Variants in VPS41 observed in about 807,000 individuals in gnomAD.
VPS41 encodes the protein vacuolar protein sorting-associated protein 41 homolog.
Under a neutral mutation model 130.9 loss-of-function variants are expected in VPS41, and 85 were observed. The observed-to-expected ratio is 0.65, with a 90% CI of 0.55 to 0.78. The LOEUF (loss-of-function observed/expected upper bound fraction) is 0.78. Among genes scored for constraint, VPS41 ranks in the 30% least tolerant of loss-of-function variants. The probability of loss-of-function intolerance (pLI) is 0.00; values close to 1 mark genes in which losing one functional copy is unlikely to be tolerated. For synonymous variants in VPS41, 335 were observed against 332.9 expected, an observed-to-expected ratio of 1.01 and a Z score of -0.07; for missense variants, 874 against 1,018.7, an observed-to-expected ratio of 0.86 and a Z score of 1.93.
chr7:38,728,340 C>T, intron 27 of VPS41: 2 of 721,500 alleles, frequency 2.8e-6, no homozygotes, highest in Non-Finnish European at 5.0e-6. Flanking sequence ...CGATGACTCA[C>T]CCTAGAGCTT....
intron 16 of VPS41, 122 bp from the exon 17 acceptor site, chr7:38,763,669 G>GA (rs1160948458): frequency 9.2e-6 from 5 of 542,616 alleles, no homozygotes; most frequent in Non-Finnish European, 1.6e-5. Flanking sequence ...ACAGTACTCT[G>GA]AAAAAAATGT....
chr7:38,909,006 C>T (rs563130755), intron 1 of VPS41, 148 bp downstream of exon 1: 1 of 995,744 alleles, frequency 1.0e-6, no homozygotes, highest in South Asian at 1.4e-5. Flanking sequence ...CCGAAACCAA[C>T]TTTCGCCATC....
In VPS41 at chr7:38,850,723, T is replaced by A. The variant is rs534181961; in HGVS notation, c.246+11822A>T. Reference sequence around the variant, plus strand: ...TTCTGCTTGTAAACAATGAATTTTTTAATTACAAATCAATTTAGAACTTTA... The same window carrying A: ...TTCTGCTTGTAAACAATGAATTTTTAAATTACAAATCAATTTAGAACTTTA... On this transcript the variant is annotated intron_variant, in intron 4 of 28. Transcript: ENST00000310301. 1.0e-3 allele frequency among the ~76,000 whole-genome samples: 152 copies of A among 152,268 alleles called. 1 individual carries two copies. The highest frequency in any genetic ancestry group is 3.6e-3 in the African/African-American group (150 of 41,550).
chr7:38,747,825 C>T (rs552877879), intron 22 of VPS41, among the ~76,000 whole-genome samples: 39 of 152,270 alleles, frequency 2.6e-4, no homozygotes, highest in South Asian at 1.2e-3. Context: ...ATTTCCATTG[C>T]TGTAGAATAT....
At chr7:38,813,742 T>C (rs1315213780) in intron 7 of VPS41, among the ~76,000 whole-genome samples, 2 of 152,186 alleles carry the variant, frequency 1.3e-5, no homozygotes, top group Non-Finnish European at 2.9e-5. Flanking sequence ...TCTAAGTTAA[T>C]AATAAAATCA....
intron 25 of VPS41, among the ~76,000 whole-genome samples, chr7:38,733,797 G>C (rs762053245): frequency 6.6e-6 from 1 of 152,082 alleles, no homozygotes; most frequent in Non-Finnish European, 1.5e-5. Context: ...ACTGACAATC[G>C]GATGGTTGTG....
rs144271652 is a variant in VPS41 at position 38,726,993 on chromosome 7, C to A, written c.2405-5G>T. 1.0e-4 allele frequency: 160 copies of A among 1,544,746 alleles called. No individual in the cohort carries two copies. The Middle Eastern group carries it at 1.6e-3, about 15-fold the overall frequency. On this transcript the variant is annotated splice_polypyrimidine_tract_variant and splice_region_variant and intron_variant, in intron 27 of 28. Coordinates refer to ENST00000310301, the MANE Select transcript of VPS41 (RefSeq NM_014396.4). ...CGCTGAAGGGCTTAGCTGCATCTGG[C>A]GAGGAGGGCAGAGAAAGGAGGAGAA...
intron 7 of VPS41, among the ~76,000 whole-genome samples, chr7:38,805,451 T>A (rs1334502019): frequency 6.6e-6 from 1 of 151,960 alleles, no homozygotes; most frequent in African/African-American, 2.4e-5. Flanking sequence ...AAGAATCACT[T>A]GAACCTGGGA....
chr7:38,758,571 T>C, intron 17 of VPS41, 90 bp from the exon 18 acceptor site: 1 of 1,275,010 alleles, frequency 7.8e-7, no homozygotes, highest in Non-Finnish European at 1.1e-6. Context: ...CCTCCTTCTG[T>C]TTCCTGGCAT....
At chr7:38,789,681 C>A in intron 10 of VPS41, 120 bp downstream of exon 10, 1 of 871,310 alleles carries the variant, frequency 1.1e-6, no homozygotes, top group South Asian at 1.5e-5. Context: ...GAAGATAAAC[C>A]AGTTAGGAGG....
intron 25 of VPS41, among the ~76,000 whole-genome samples, chr7:38,736,441 C>T (rs1356084437): frequency 1.3e-5 from 2 of 152,232 alleles, no homozygotes; most frequent in Admixed American, 1.3e-4. Flanking sequence ...AAGTGCCTTA[C>T]CAAAGTCTCA....
At chr7:38,734,009 C>A (rs1398773963) in intron 25 of VPS41, among the ~76,000 whole-genome samples, 1 of 152,126 alleles carries the variant, frequency 6.6e-6, no homozygotes, top group Non-Finnish European at 1.5e-5. Context: ...TCACTTGAGC[C>A]CGGGAGGTCA....
intron 4 of VPS41, among the ~76,000 whole-genome samples, chr7:38,849,723 G>C (rs1014132318): frequency 6.6e-6 from 1 of 152,158 alleles, no homozygotes; most frequent in African/African-American, 2.4e-5. Context: ...CCAGCTGCTT[G>C]TGTCTCTGCC....
At chr7:38,874,117 A>G (rs1034903773) in intron 2 of VPS41, among the ~76,000 whole-genome samples, 2 of 152,216 alleles carry the variant, frequency 1.3e-5, no homozygotes, top group Admixed American at 6.5e-5. Flanking sequence ...AATGGGTTCT[A>G]CATTTTTCAT....
intron 18 of VPS41, 60 bp from the exon 19 acceptor site, chr7:38,757,042 G>A (rs769068854): frequency 7.7e-7 from 1 of 1,297,606 alleles, no homozygotes. Context: ...AACACACACA[G>A]AGAGATCATG....
chr7:38,891,033 G>T (rs1786855641), intron 2 of VPS41, among the ~76,000 whole-genome samples: 1 of 150,514 alleles, frequency 6.6e-6, no homozygotes, highest in Admixed American at 6.6e-5. Context: ...GGAAAAAAAA[G>T]TGTAGTAGAA....
rs1277313922 is a variant in VPS41 at position 38,731,091 on chromosome 7, G to C, written c.2260-2300C>G. The stretch of plus-strand genomic sequence containing the variant: ...CTTACTGCTATCTCCTACTTCATTT[G>C]GTCAAAATTCAAGGCTCCCAATCAG... On this transcript the variant is annotated intron_variant, in intron 25 of 28. Transcript: ENST00000310301. Among the ~76,000 whole-genome samples, 4 of 152,214 alleles carry C rather than the reference G, an allele frequency of 2.6e-5. No homozygotes were observed. In the East Asian group the frequency reaches 7.7e-4, roughly 29 times the overall value.
At chr7:38,763,165 T>C (rs1274957715) in intron 17 of VPS41, among the ~76,000 whole-genome samples, 1 of 152,204 alleles carries the variant, frequency 6.6e-6, no homozygotes, top group African/African-American at 2.4e-5. Context: ...AAAGATGGAA[T>C]AGCAGCTGCT....
At chr7:38,785,868 G>A (rs1034796594) in intron 10 of VPS41, among the ~76,000 whole-genome samples, 4 of 152,142 alleles carry the variant, frequency 2.6e-5, no homozygotes, top group Non-Finnish European at 5.9e-5. Context: ...AAATGTGGAG[G>A]AGAAGCAATG....
Sources: allele counts gnomAD v4.1 joint callset (sites outside exome capture counted in the v4.1 genomes callset), GRCh38; gene constraint gnomAD v4.1.1; transcripts MANE v1.5; gene names NCBI Gene and HGNC (gene_info 2026-07-23, HGNC 2026-07-21).